ASPM: variants seen among roughly 807,000 people sequenced by gnomAD.
ASPM encodes abnormal spindle-like microcephaly-associated protein.
In ASPM, 256 loss-of-function variants were observed where a neutral mutation model predicts 366.4. That is an observed-to-expected ratio of 0.70 (90% CI 0.63 to 0.77). The LOEUF (loss-of-function observed/expected upper bound fraction) is 0.77. Ranked by LOEUF, ASPM falls within the 30% of genes least tolerant of loss-of-function variation. ASPM has a pLI of 0.00. For synonymous variants in ASPM, 1,414 were observed against 1,342.9 expected, an observed-to-expected ratio of 1.05 and a Z score of -1.16; for missense variants, 4,146 against 4,090.4, an observed-to-expected ratio of 1.01 and a Z score of -0.37.
intron 4 of ASPM, among the ~76,000 whole-genome samples, chr1:197,136,351 ATAAAAACAGTATTATTG>A (rs1488749922): frequency 6.6e-6 from 1 of 152,242 alleles, no homozygotes; most frequent in Non-Finnish European, 1.5e-5. Context: ...ATAAACAAGC[ATAAAAACAGTATTATTG>A]TAATTTTGGT....
At chr1:197,135,048 T>C in intron 5 of ASPM, 48 bp downstream of exon 5, 1 of 1,327,892 alleles carries the variant, frequency 7.5e-7, no homozygotes, top group Non-Finnish European at 1.1e-6. Context: ...TTAAAAATCT[T>C]TATCTGTTAA....
At chr1:197,138,357 C>G (rs1335855414) in intron 4 of ASPM, among the ~76,000 whole-genome samples, 4 of 152,108 alleles carry the variant, frequency 2.6e-5, no homozygotes. Context: ...GGCTGGAGTG[C>G]AATGGCAAGA....
rs1411046226 is a variant in ASPM, at chr1:197,101,584, G to A, written c.7667C>T (p.Ala2556Val). The A allele has an allele frequency of 5.0e-6, 8 of 1,609,702 alleles. No homozygotes were observed. Among genetic ancestry groups the A allele is most frequent in the Admixed American group, 3.3e-5 (2 of 59,726 alleles). ...GTAGGTGCTTTGTATTACGATAGAA[G>A]CTTTGTGTTTTTCCCTTAAAAGTTG... ...ARQLLREKHK[A>V]SIVIQSTYRM... is the part of the protein sequence containing the mutation. The change falls in exon 18 of 28, where the codon GCT becomes GTT. Residue 2556 changes from alanine (A) to valine (V), a missense_variant. This residue lies in a region of ASPM where 3,624 missense variants were observed against 3,591.7 expected (regional missense o/e 1.01). Coordinates refer to ENST00000367409, the MANE Select transcript of ASPM (RefSeq NM_018136.5).
At position 197,101,554 on chromosome 1, in the gene ASPM, A is replaced by G. The variant is rs773379203; in HGVS notation, c.7697T>C (p.Met2566Thr). The change falls in exon 18 of 28, where the codon ATG becomes ACG. Residue 2566 changes from methionine to threonine, a missense_variant. Coordinates refer to ENST00000367409, the MANE Select transcript of ASPM (RefSeq NM_018136.5). ...TTGGTAGAAACAATACTGCCTATACATTCTGTAGGTGCTTTGTATTACGAT... is the reference window on the plus strand; with the variant it reads ...TTGGTAGAAACAATACTGCCTATACGTTCTGTAGGTGCTTTGTATTACGAT... ...ASIVIQSTYR[M>T]YRQYCFYQKL... 1.2e-6 allele frequency: 2 copies of G among 1,609,582 alleles called. No individual in the cohort carries two copies. Among genetic ancestry groups the G allele is most frequent in the Admixed American group, 3.3e-5 (2 of 59,736 alleles).
Position 197,125,202 on chromosome 1 carries a change from T to C in ASPM, c.2937-11A>G. On this transcript the variant is annotated splice_polypyrimidine_tract_variant and intron_variant, in intron 10 of 27. Coordinates refer to ENST00000367409, the MANE Select transcript of ASPM (RefSeq NM_018136.5). ...AGTTCCATGGTTCGCCTGGCAGTAA[T>C]AAAATGTTCAGATGAAATTATCATA... 6.2e-7 allele frequency: 1 copy of C among 1,613,728 alleles called. No individual in the cohort carries two copies. Among genetic ancestry groups the C allele is most frequent in the Non-Finnish European group, 8.5e-7 (1 of 1,179,690 alleles).
At chr1:197,139,936 T>C (rs1658532735) in intron 3 of ASPM, 65 bp from the exon 4 acceptor site, 3 of 1,162,310 alleles carry the variant, frequency 2.6e-6, no homozygotes, top group Admixed American at 1.8e-5. Flanking sequence ...AGGTCAGTGA[T>C]TTGAAAGTTA....
chr1:197,138,177 T>C (rs372578015), intron 4 of ASPM, among the ~76,000 whole-genome samples: 3 of 152,188 alleles, frequency 2.0e-5, no homozygotes, highest in Admixed American at 1.3e-4. Context: ...TTTAACATGA[T>C]GTTACATGTT....
At chr1:197,141,800 ATCAG>A (rs1279674516) in intron 3 of ASPM, among the ~76,000 whole-genome samples, 3 of 152,164 alleles carry the variant, frequency 2.0e-5, no homozygotes, top group Non-Finnish European at 4.4e-5. Context: ...TAGGTACCTT[ATCAG>A]TCAAATAAAT....
In ASPM at chr1:197,091,023, A is replaced by C. The variant is rs370863233; in HGVS notation, c.9463T>G (p.Leu3155Val). The C allele has an allele frequency of 1.4e-5, 22 of 1,611,072 alleles. No homozygotes were observed. The highest frequency in any genetic ancestry group is 1.9e-5 in the Non-Finnish European group (22 of 1,178,278). Residue 3155 changes from leucine to valine, a missense_variant, in exon 23 of 28, where the codon TTA becomes GTA. Physicochemically the swap from Leu to Val is conservative, Grantham distance 32 (BLOSUM62 1). Around this residue, in one of 3 missense-constraint regions of ASPM, gnomAD observed 3,624 missense variants for 3,591.7 expected, o/e 1.01. Transcript: ENST00000367409. ...ICIQRWFRARLQEKRFIQKYH... is the reference protein window; with the variant it reads ...ICIQRWFRARVQEKRFIQKYH... ...TTCTGAATAAATCTCTTTTCTTGTA[A>C]TCTTGCTCGAAACCATCTCTGTTTA...
At chr1:197,096,773 T>C (rs1656987869) in intron 18 of ASPM, among the ~76,000 whole-genome samples, 1 of 151,758 alleles carries the variant, frequency 6.6e-6, no homozygotes, top group Admixed American at 6.6e-5. Flanking sequence ...AATTTAGAGA[T>C]GAGGAAATCA....
intron 17 of ASPM, among the ~76,000 whole-genome samples, chr1:197,106,143 T>C (rs892488634): frequency 2.0e-5 from 3 of 152,012 alleles, no homozygotes; most frequent in African/African-American, 7.2e-5. Context: ...TACCTATCCA[T>C]GGGTGAGGAA....
intron 25 of ASPM, among the ~76,000 whole-genome samples, chr1:197,089,542 C>T (rs1292407926): frequency 1.3e-5 from 2 of 151,930 alleles, no homozygotes; most frequent in African/African-American, 2.4e-5. Context: ...CAGGTTCTTA[C>T]AGGAGGAACC....
At position 197,103,900 on chromosome 1, in the gene ASPM, T is replaced by G. The variant is rs149376906; in HGVS notation, c.5351A>C (p.Tyr1784Ser). The G allele has an allele frequency of 6.2e-7, 1 of 1,612,806 alleles. No individual in the cohort carries two copies. Among genetic ancestry groups the G allele is most frequent in the Middle Eastern group, 1.7e-4 (1 of 6,052 alleles). The change falls in exon 18 of 28, where the codon TAC (tyrosine) becomes TCC (serine). Residue 1784 changes from tyrosine to serine, a missense_variant. Tyr to Ser is a moderately radical substitution (Grantham distance 144, BLOSUM62 -2). Transcript: ENST00000367409. ...GACCTGTGCTTTGTATGCATGATAG[T>G]AATTCTGAATGACAATAATTGCTTT... ...MYKAIIVIQN[Y>S]YHAYKAQVNQ...
Position 197,142,885 on chromosome 1 carries a change from T to G in ASPM, c.1367A>C (p.Glu456Ala), listed in dbSNP as rs1406335970. The G allele has an allele frequency of 6.2e-7, 1 of 1,613,176 alleles. No homozygotes were observed. Among genetic ancestry groups the G allele is most frequent in the African/African-American group, 1.3e-5 (1 of 74,912 alleles). Residue 456 changes from glutamate (E) to alanine (A), a missense_variant, in exon 3 of 28, where the codon GAA becomes GCA. Physicochemically the swap from Glu to Ala is moderately radical, Grantham distance 107. This residue lies in a region of ASPM where 3,624 missense variants were observed against 3,591.7 expected (regional missense o/e 1.01). Coordinates refer to ENST00000367409, the MANE Select transcript of ASPM (RefSeq NM_018136.5). ...SPKAIFEELVEMKSNYYSFIK... is the reference protein window; with the variant it reads ...SPKAIFEELVAMKSNYYSFIK... ...AAAACTGTAGTAATTTGACTTCATT[T>G]CTACTAGTTCTTCAAAAATAGCTTT...
intron 10 of ASPM, among the ~76,000 whole-genome samples, chr1:197,126,019 T>C (rs1260814552): frequency 6.6e-6 from 1 of 152,194 alleles, no homozygotes; most frequent in Non-Finnish European, 1.5e-5. Context: ...GTCATTTTGC[T>C]GACACTTATC....
chr1:197,115,951 CCTTTGAAT>C (rs1657725783), intron 17 of ASPM, among the ~76,000 whole-genome samples: 1 of 152,144 alleles, frequency 6.6e-6, no homozygotes, highest in African/African-American at 2.4e-5. Context: ...GTAAAACTCT[CCTTTGAAT>C]CTTTGAAGCT....
chr1:197,098,535 A>G (rs918482815), intron 18 of ASPM, among the ~76,000 whole-genome samples: 1 of 151,790 alleles, frequency 6.6e-6, no homozygotes, highest in Non-Finnish European at 1.5e-5. Flanking sequence ...TAAAACCATA[A>G]CTAATACATC....
Position 197,146,279 on chromosome 1 carries a change from C to A in ASPM, c.159G>T (p.Gly53=). 1 of 1,614,098 alleles carries A rather than the reference C, an allele frequency of 6.2e-7. No homozygotes were observed. Among genetic ancestry groups the A allele is most frequent in the South Asian group, 1.1e-5 (1 of 91,084 alleles). Residue 53 remains glycine (G), a synonymous_variant, in exon 1 of 28, where the codon GGG becomes GGT. Transcript: ENST00000367409. ...TCCGTGAGGCTCCCAGGAGAACGTC[C>A]CCGAAGCAAAGGAAAGGAGACCTGC... ...HFCRSPFLCF[G]DVLLGASRTL... is the part of the protein sequence containing the mutation.
chr1:197,093,251 G>A lies in ASPM; in HGVS notation c.9095C>T (p.Ala3032Val). 2 of 1,611,636 alleles carry A rather than the reference G, an allele frequency of 1.2e-6. No homozygotes were observed. The highest frequency in any genetic ancestry group is 2.2e-5 in the East Asian group (1 of 44,822). The change falls in exon 21 of 28, where the codon GCT becomes GTT. Residue 3032 changes from alanine to valine, a missense_variant. By Grantham distance (64) the Ala-to-Val change is moderately conservative. Transcript: ENST00000367409. ...EHFLMIKRHR[A>V]ACLIQAHYRG... The stretch of plus-strand genomic sequence containing the variant: ...ATAATGTGCTTGGATCAAACAAGCA[G>A]CTCGATGTCTCTATAAGGAAAAATT...
Sources: allele counts gnomAD v4.1 joint callset (sites outside exome capture counted in the v4.1 genomes callset), GRCh38; gene constraint gnomAD v4.1.1; regional missense constraint gnomAD v4.1.1; transcripts MANE v1.5; gene names NCBI Gene and HGNC (gene_info 2026-07-23, HGNC 2026-07-21).